The following NEMP2 variants were observed in gnomAD, a reference collection of about 807,000 sequenced individuals.
The protein encoded by NEMP2 is nuclear envelope integral membrane protein 2.
NEMP2 carries 53 observed loss-of-function variants against 54.2 expected under a neutral mutation model. The ratio of observed to expected loss-of-function variants is 0.98; its 90% confidence interval spans 0.78 to 1.23. The LOEUF is 1.23. Ranked by LOEUF, NEMP2 falls within the 50% of genes most tolerant of loss-of-function variation. The pLI is 0.00. For missense variants in NEMP2, 455 were observed against 511.3 expected (o/e 0.89, Z 1.06); for synonymous variants, 197 against 190.3 (o/e 1.04, Z -0.29).
chr2:190,470,130 A>G, the NEMP2 span, among the ~76,000 whole-genome samples: 2 of 152,232 alleles, frequency 1.3e-5, no homozygotes, highest in African/African-American at 4.8e-5. Context: ...CCTGTGCACA[A>G]CTATTAGACA....
In NEMP2 at chr2:190,507,922, T is replaced by G. The variant is rs1485911790; in HGVS notation, c.*1267A>C. The G allele has an allele frequency of 2.6e-5, 4 of 152,222 alleles. No homozygotes were observed. The East Asian group carries it at 7.7e-4, about 29-fold the overall frequency. 9.4% of individuals were successfully genotyped at this position (152,222 alleles called of 1,614,324 possible). A position where few individuals can be genotyped will look rare whatever the true frequency, so the allele number is the denominator to read the frequency against. On this transcript the variant is annotated 3_prime_UTR_variant, in exon 9 of 9. Coordinates refer to ENST00000409150, the MANE Select transcript of NEMP2 (RefSeq NM_001142645.2). The surrounding 1 kb of genome is among the most constrained non-coding windows in gnomAD (Gnocchi z 4.4). ...AGGAAAAAAAGCCTGATTTTGATTC[T>G]CAGAATCAACTTAGCAACATCTTAA...
chr2:190,624,772 A>G, the NEMP2 span: 1 of 152,248 alleles, frequency 6.6e-6, no homozygotes, highest in Non-Finnish European at 1.5e-5. Context: ...ATGGAGGTAG[A>G]GAGTGGATTC....
At chr2:190,443,114 A>T in the NEMP2 span, 2 of 151,950 alleles carry the variant, frequency 1.3e-5, no homozygotes, top group African/African-American at 4.8e-5. This position sits in a 1 kb window ranked among gnomAD's most constrained non-coding sequence, Gnocchi z 4.2. Flanking sequence ...CTTTCTGAGC[A>T]CCCCCCAATA....
At chr2:190,559,709 G>A in the NEMP2 span, among the ~76,000 whole-genome samples, 8 of 152,314 alleles carry the variant, frequency 5.3e-5, no homozygotes, top group African/African-American at 1.9e-4. This position sits in a 1 kb window ranked among gnomAD's most constrained non-coding sequence, Gnocchi z 4.0. Context: ...ACAAAAAGAG[G>A]TGGTGGTTTA....
chr2:190,539,738 A>C, the NEMP2 span, among the ~76,000 whole-genome samples: 1 of 152,144 alleles, frequency 6.6e-6, no homozygotes, highest in Non-Finnish European at 1.5e-5. The surrounding 1 kb of genome is among the most constrained non-coding windows in gnomAD (Gnocchi z 4.1). Flanking sequence ...TAGCATATAT[A>C]AATACAACTG....
At chr2:190,470,972 T>C in the NEMP2 span, among the ~76,000 whole-genome samples, 1 of 152,148 alleles carries the variant, frequency 6.6e-6, no homozygotes, top group Non-Finnish European at 1.5e-5. Flanking sequence ...AAAAGGAGAT[T>C]CTGTTTACAA....
chr2:190,462,417 G>C, the NEMP2 span, among the ~76,000 whole-genome samples: 2 of 152,168 alleles, frequency 1.3e-5, no homozygotes, highest in African/African-American at 4.8e-5. This position sits in a 1 kb window ranked among gnomAD's most constrained non-coding sequence, Gnocchi z 5.7. Context: ...AGCTTGTTGA[G>C]AAATACTGTT....
At chr2:190,624,043 G>A in the NEMP2 span, among the ~76,000 whole-genome samples, 1 of 152,200 alleles carries the variant, frequency 6.6e-6, no homozygotes, top group African/African-American at 2.4e-5. Flanking sequence ...AGCTACTTAG[G>A]AGGCTGAAGC....
chr2:190,642,867 T>A, the NEMP2 span, among the ~76,000 whole-genome samples: 1 of 152,104 alleles, frequency 6.6e-6, no homozygotes, highest in Non-Finnish European at 1.5e-5. The surrounding 1 kb of genome is among the most constrained non-coding windows in gnomAD (Gnocchi z 4.1). Flanking sequence ...TTGGAATTAC[T>A]GAAGCATTTT....
At chr2:190,491,280 C>T in the NEMP2 span, among the ~76,000 whole-genome samples, 2 of 152,172 alleles carry the variant, frequency 1.3e-5, no homozygotes, top group African/African-American at 4.8e-5. This position sits in a 1 kb window ranked among gnomAD's most constrained non-coding sequence, Gnocchi z 4.2. Flanking sequence ...GATTAGGTTG[C>T]AGCTCACACT....
At chr2:190,456,568 CAAGAGGG>C in the NEMP2 span, among the ~76,000 whole-genome samples, 1,166 of 152,296 alleles carry the variant, frequency 7.7e-3, 10 homozygotes, top group African/African-American at 0.026. The surrounding 1 kb of genome is among the most constrained non-coding windows in gnomAD (Gnocchi z 5.4). Context: ...GGCCTAAGCC[CAAGAGGG>C]AGACTCTGGA....
At chr2:190,634,462 T>G in the NEMP2 span, among the ~76,000 whole-genome samples, 85 of 152,122 alleles carry the variant, frequency 5.6e-4, no homozygotes, top group South Asian at 8.3e-4. This position sits in a 1 kb window ranked among gnomAD's most constrained non-coding sequence, Gnocchi z 6.8. Context: ...AAAATGAAAC[T>G]AAGAATTGAA....
chr2:190,610,976 A>G, the NEMP2 span: 2 of 152,220 alleles, frequency 1.3e-5, no homozygotes, highest in African/African-American at 2.4e-5. This position sits in a 1 kb window ranked among gnomAD's most constrained non-coding sequence, Gnocchi z 5.4. Context: ...CTGATGTCAC[A>G]TCTCCAAAGT....
chr2:190,553,859 G>T, the NEMP2 span, among the ~76,000 whole-genome samples: 1 of 152,194 alleles, frequency 6.6e-6, no homozygotes, highest in Non-Finnish European at 1.5e-5. Context: ...TTCATGCTGA[G>T]AGAGATTGCT....
At chr2:190,534,109 C>T in intron 1 of NEMP2, 2 of 987,790 alleles carry the variant, frequency 2.0e-6, no homozygotes, top group Non-Finnish European at 2.4e-6. Context: ...AAGCTGTTAC[C>T]TTCTCTAGTC....
chr2:190,605,235 T>C, the NEMP2 span, among the ~76,000 whole-genome samples: 2 of 152,126 alleles, frequency 1.3e-5, no homozygotes, highest in Non-Finnish European at 2.9e-5. Flanking sequence ...TTCCTTGGCA[T>C]GGTATAGAGG....
At chr2:190,485,441 T>C in the NEMP2 span, among the ~76,000 whole-genome samples, 2 of 152,200 alleles carry the variant, frequency 1.3e-5, no homozygotes, top group African/African-American at 4.8e-5. The surrounding 1 kb of genome is among the most constrained non-coding windows in gnomAD (Gnocchi z 5.1). Context: ...AGAAATGATT[T>C]CCAAATCTGT....
At chr2:190,571,719 G>C in the NEMP2 span, among the ~76,000 whole-genome samples, 1 of 152,088 alleles carries the variant, frequency 6.6e-6, no homozygotes, top group Non-Finnish European at 1.5e-5. Context: ...GCTAATAAAT[G>C]TTGTATCCCA....
the NEMP2 span, among the ~76,000 whole-genome samples, chr2:190,499,200 G>A: frequency 6.6e-6 from 1 of 152,172 alleles, no homozygotes; most frequent in African/African-American, 2.4e-5. The surrounding 1 kb of genome is among the most constrained non-coding windows in gnomAD (Gnocchi z 6.0). Context: ...TGGTATGTTA[G>A]GATTAATAAA....
Sources: allele counts gnomAD v4.1 joint callset (sites outside exome capture counted in the v4.1 genomes callset), GRCh38; gene constraint gnomAD v4.1.1; non-coding constraint Gnocchi (gnomAD v3.1); transcripts MANE v1.5; gene names NCBI Gene and HGNC (gene_info 2026-07-23, HGNC 2026-07-21).